The following STPG2 variants were observed in gnomAD, a reference collection of about 807,000 sequenced individuals.
STPG2 encodes sperm-tail PG-rich repeat-containing protein 2.
STPG2 carries 56 observed loss-of-function variants against 54.2 expected under a neutral mutation model. That is an observed-to-expected ratio of 1.03 (90% CI 0.83 to 1.29). STPG2 has a LOEUF of 1.29. Ranked by LOEUF, STPG2 falls within the 50% of genes most tolerant of loss-of-function variation. The probability of loss-of-function intolerance (pLI) is 0.00; values close to 1 mark genes in which losing one functional copy is unlikely to be tolerated. For synonymous variants in STPG2, 200 were observed against 181.8 expected, an observed-to-expected ratio of 1.10 and a Z score of -0.81; for missense variants, 596 against 544.9, an observed-to-expected ratio of 1.09 and a Z score of -0.93.
chr4:98,128,583 T>C lies in STPG2; in HGVS notation c.232A>G (p.Arg78Gly). ...YNVSEAQKIS[R>G]SPTLTRSVDV... ...ACACTTCTGGTAAGTGTAGGTGATC[T>C]TGAAATTTTCTGCAAGGAAAACATT... The change falls in exon 3 of 11, where the codon AGA becomes GGA. Residue 78 changes from arginine (R) to glycine (G), a missense_variant. Physicochemically the swap from Arg to Gly is moderately radical, Grantham distance 125 (BLOSUM62 -2). Transcript: ENST00000295268. 2 of 1,584,896 alleles carry C rather than the reference T, an allele frequency of 1.3e-6. No individual in the cohort carries two copies. The highest frequency in any genetic ancestry group is 1.7e-6 in the Non-Finnish European group (2 of 1,169,164).
chr4:97,642,129 G>T (rs1721783909), intron 10 of STPG2, among the ~76,000 whole-genome samples: 1 of 151,196 alleles, frequency 6.6e-6, no homozygotes, highest in African/African-American at 2.4e-5. Context: ...CAGATCCAAA[G>T]AAAATACATT....
chr4:98,026,457 A>G (rs1736423342), intron 5 of STPG2, among the ~76,000 whole-genome samples: 1 of 152,160 alleles, frequency 6.6e-6, no homozygotes. Flanking sequence ...TTAGTTGGCA[A>G]GAGAGGGCAC....
At chr4:98,013,935 A>G (rs1281632971) in intron 5 of STPG2, among the ~76,000 whole-genome samples, 1 of 151,588 alleles carries the variant, frequency 6.6e-6, no homozygotes, top group Non-Finnish European at 1.5e-5. Flanking sequence ...GGATTCACTG[A>G]TTTTTTTGAA....
At chr4:97,628,652 A>G (rs2148930587) in intron 10 of STPG2, among the ~76,000 whole-genome samples, 1 of 152,226 alleles carries the variant, frequency 6.6e-6, no homozygotes, top group Middle Eastern at 3.4e-3. Flanking sequence ...TATTTACCTT[A>G]CAATTACAGA....
intron 3 of STPG2, among the ~76,000 whole-genome samples, chr4:98,124,653 G>A (rs1739778491): frequency 6.6e-6 from 1 of 152,102 alleles, no homozygotes; most frequent in Non-Finnish European, 1.5e-5. Context: ...ATGATTATGT[G>A]TCTTTGGGTT....
chr4:98,020,934 A>C (rs13114611), intron 5 of STPG2, among the ~76,000 whole-genome samples: 5 of 151,592 alleles, frequency 3.3e-5, no homozygotes, highest in Non-Finnish European at 5.9e-5. Flanking sequence ...TCTTGCTAGC[A>C]GTCTATCAGT....
chr4:97,735,359 A>G (rs1424568098), intron 9 of STPG2, among the ~76,000 whole-genome samples: 1 of 151,412 alleles, frequency 6.6e-6, no homozygotes, highest in Non-Finnish European at 1.5e-5. Flanking sequence ...ATGAGTATGC[A>G]AAGTCAAATA....
At chr4:97,517,890 C>T (rs1731106999) in intron 4 of STPG2, among the ~76,000 whole-genome samples, 2 of 151,286 alleles carry the variant, frequency 1.3e-5, no homozygotes, top group East Asian at 3.9e-4. Flanking sequence ...TTTTCTATTG[C>T]TACTTTAACA....
In STPG2 at chr4:98,034,410, C is replaced by T. The variant is rs546836477; in HGVS notation, c.613-53092G>A. Among the ~76,000 whole-genome samples the T allele has an allele frequency of 4.6e-5, 7 of 152,238 alleles. No individual in the cohort carries two copies. In the South Asian group the frequency reaches 1.5e-3, roughly 32 times the overall value. On this transcript the variant is annotated intron_variant, in intron 5 of 10. Transcript: ENST00000295268. ...TTACAAGACATGTGAAGTACCTCTT[C>T]AAGGAGAACTACAAACCATCACTCA...
At chr4:97,902,601 C>A (rs1413635872) in intron 8 of STPG2, among the ~76,000 whole-genome samples, 2 of 152,048 alleles carry the variant, frequency 1.3e-5, no homozygotes, top group African/African-American at 4.8e-5. Context: ...GGAGATACCA[C>A]TTCACATCTT....
rs561438651 is a variant in STPG2, at chr4:97,640,598, T to C, written c.1320+72101A>G. On this transcript the variant is annotated intron_variant, in intron 10 of 10. Transcript: ENST00000295268. ...AATAGTTAATGTTAAAACTAGTAGA[T>C]TGAAAAACAGGATATACGGCATTCA... 4.1e-4 allele frequency among the ~76,000 whole-genome samples: 62 copies of C among 151,656 alleles called. No individual in the cohort carries two copies. In the South Asian group the frequency reaches 0.012, roughly 30 times the overall value.
rs2148794594 is a variant in STPG2, at chr4:97,446,664, T to C, written c.463-258831A>G. 1.3e-5 allele frequency among the ~76,000 whole-genome samples: 2 copies of C among 152,286 alleles called. 1 individual carries two copies. The highest frequency in any genetic ancestry group is 4.1e-4 in the South Asian group (2 of 4,820). On this transcript the variant is annotated intron_variant, in intron 4 of 4. Coordinates refer to the STPG2 transcript ENST00000522676. ...TGTTCTCATGACATTGACTAAGTTCTCATGAGATCTGATGGTTTTATAAGT... is the reference window on the plus strand; with the variant it reads ...TGTTCTCATGACATTGACTAAGTTCCCATGAGATCTGATGGTTTTATAAGT...
intron 4 of STPG2, among the ~76,000 whole-genome samples, chr4:97,521,274 A>G (rs1731175237): frequency 1.3e-5 from 2 of 152,192 alleles, no homozygotes; most frequent in South Asian, 4.1e-4. Flanking sequence ...CAACAAATCA[A>G]CAGCAGAAGA....
chr4:97,945,927 C>T (rs1733198554), intron 7 of STPG2, among the ~76,000 whole-genome samples: 1 of 151,954 alleles, frequency 6.6e-6, no homozygotes, highest in African/African-American at 2.4e-5. Context: ...AGTGTGGTGG[C>T]ATATACCTGT....
chr4:98,086,098 A>T (rs1738495083), intron 5 of STPG2, among the ~76,000 whole-genome samples: 1 of 152,152 alleles, frequency 6.6e-6, no homozygotes, highest in South Asian at 2.1e-4. Flanking sequence ...TATATGTACC[A>T]TTAATTTAAA....
intron 10 of STPG2, among the ~76,000 whole-genome samples, chr4:97,641,358 T>A (rs1721758571): frequency 6.6e-6 from 1 of 151,554 alleles, no homozygotes; most frequent in Non-Finnish European, 1.5e-5. Context: ...ATTCTACTTA[T>A]AATATGCATT....
At chr4:97,456,075 A>T (rs1043592921) in intron 4 of STPG2, among the ~76,000 whole-genome samples, 1 of 152,266 alleles carries the variant, frequency 6.6e-6, no homozygotes, top group African/African-American at 2.4e-5. Flanking sequence ...TCTGCAAAAG[A>T]CACTGTCAAG....
In STPG2 at chr4:97,796,820, T is replaced by C. The variant is rs571658285; in HGVS notation, c.1204+43953A>G. On this transcript the variant is annotated intron_variant, in intron 9 of 10. Transcript: ENST00000295268. ...ATGGTCATTTTCATGATTCTTCCTA[T>C]CCATGAGCCTGGAATGTTCTTCCAT... Among the ~76,000 whole-genome samples, 5 of 152,326 alleles carry C rather than the reference T, an allele frequency of 3.3e-5. No homozygotes were observed. The South Asian group carries it at 1.0e-3, about 32-fold the overall frequency.
At chr4:97,747,329 T>C (rs890223474) in intron 9 of STPG2, among the ~76,000 whole-genome samples, 1 of 151,390 alleles carries the variant, frequency 6.6e-6, no homozygotes, top group Non-Finnish European at 1.5e-5. Context: ...AAGCAACTTC[T>C]CTCAGGTCTC....
Sources: allele counts gnomAD v4.1 joint callset (sites outside exome capture counted in the v4.1 genomes callset), GRCh38; gene constraint gnomAD v4.1.1; transcripts MANE v1.5; gene names NCBI Gene and HGNC (gene_info 2026-07-23, HGNC 2026-07-21).